The following AUTS2 variants were observed in gnomAD, a reference collection of about 807,000 sequenced individuals.
AUTS2 encodes the protein autism susceptibility gene 2 protein.
In AUTS2, 17 loss-of-function variants were observed where a neutral mutation model predicts 112.4. The ratio of observed to expected loss-of-function variants is 0.15; its 90% CI spans 0.10 to 0.23. The LOEUF is 0.23. AUTS2 is among the 10% of genes least tolerant of loss of function. The probability of loss-of-function intolerance (pLI) is 1.00; values close to 1 mark genes in which losing one functional copy is unlikely to be tolerated. For missense variants in AUTS2, 1,510 were observed against 1,701.6 expected (o/e 0.89, Z 1.98); for synonymous variants, 751 against 702.7 (o/e 1.07, Z -1.09).
intron 5 of AUTS2, among the ~76,000 whole-genome samples, chr7:70,444,580 T>G (rs1400774771): frequency 1.3e-5 from 2 of 152,182 alleles, no homozygotes; most frequent in Non-Finnish European, 1.5e-5. Flanking sequence ...CTGTTTTCTT[T>G]TTTAATTAAA....
chr7:70,619,251 G>T (rs143391265), intron 5 of AUTS2, among the ~76,000 whole-genome samples: 1 of 152,178 alleles, frequency 6.6e-6, no homozygotes, highest in African/African-American at 2.4e-5. Flanking sequence ...ATAGGGGCCC[G>T]GTGGGAGTTT....
chr7:69,873,804 C>T (rs1332541779), intron 1 of AUTS2, among the ~76,000 whole-genome samples: 1 of 152,176 alleles, frequency 6.6e-6, no homozygotes, highest in Non-Finnish European at 1.5e-5. Flanking sequence ...ATTACACCTA[C>T]TTTATGTATG....
At chr7:70,290,582 C>T (rs1788664958) in intron 4 of AUTS2, 4 of 1,452,282 alleles carry the variant, frequency 2.8e-6, no homozygotes, top group Non-Finnish European at 3.6e-6. Context: ...CTACTGTTAG[C>T]GTGACCCCAA....
chr7:70,321,786 G>A lies in AUTS2; in HGVS notation c.661-113966G>A, dbSNP rs184497363. Among the ~76,000 whole-genome samples, 1,169 of 152,270 alleles carry A rather than the reference G, an allele frequency of 7.7e-3. 15 individuals carry two copies. The highest frequency in any genetic ancestry group is 0.027 in the African/African-American group (1,112 of 41,548). The stretch of plus-strand genomic sequence containing the variant: ...TAAACATACAGTCATGTCACAAAAA[G>A]AGATTATGGTCAGGTGAATTTATTA... On this transcript the variant is annotated intron_variant, in intron 4 of 18. Coordinates refer to ENST00000342771, the MANE Select transcript of AUTS2 (RefSeq NM_015570.4).
intron 5 of AUTS2, among the ~76,000 whole-genome samples, chr7:70,605,224 T>C (rs1585364938): frequency 6.6e-6 from 1 of 152,232 alleles, no homozygotes; most frequent in South Asian, 2.1e-4. Flanking sequence ...TTGCCCTTGC[T>C]CTGTGCTCAA....
intron 2 of AUTS2, among the ~76,000 whole-genome samples, chr7:69,900,204 C>G: frequency 6.6e-6 from 1 of 152,190 alleles, no homozygotes; most frequent in Non-Finnish European, 1.5e-5. Context: ...AGATATGAAG[C>G]TGTTTATAGC....
chr7:69,752,250 C>T (rs914950020), intron 1 of AUTS2, among the ~76,000 whole-genome samples: 1 of 152,232 alleles, frequency 6.6e-6, no homozygotes, highest in African/African-American at 2.4e-5. Context: ...GGTGTTCTTT[C>T]TCCCAGTGGG....
intron 4 of AUTS2, among the ~76,000 whole-genome samples, chr7:70,354,956 C>T: frequency 6.8e-6 from 1 of 147,080 alleles, no homozygotes; most frequent in Non-Finnish European, 1.5e-5. Context: ...GAAAGGGCTG[C>T]TGTGTGTGTG....
rs1173094469 is a variant in AUTS2, at chr7:70,410,832, A to AATT, written c.661-24904_661-24902dup. Among the ~76,000 whole-genome samples the AATT allele has an allele frequency of 7.4e-4, 111 of 150,370 alleles. 1 individual carries two copies. The highest frequency in any genetic ancestry group is 2.2e-3 in the African/African-American group (91 of 41,018). On this transcript the variant is annotated intron_variant, in intron 4 of 18. Coordinates refer to ENST00000342771, the MANE Select transcript of AUTS2 (RefSeq NM_015570.4). The stretch of plus-strand genomic sequence containing the variant: ...TACATATGAAGGAACTAAGGAAATA[A>AATT]ATTATTATTATTATTATTGTTATTA...
intron 1 of AUTS2, among the ~76,000 whole-genome samples, chr7:69,624,538 A>G (rs938954347): frequency 6.6e-6 from 1 of 152,218 alleles, no homozygotes; most frequent in Non-Finnish European, 1.5e-5. Flanking sequence ...TGCTCATGGT[A>G]AAAGGACCTC....
At chr7:70,304,177 A>C (rs1348490537) in intron 4 of AUTS2, among the ~76,000 whole-genome samples, 1 of 152,174 alleles carries the variant, frequency 6.6e-6, no homozygotes, top group Non-Finnish European at 1.5e-5. Context: ...ACTCAGCATT[A>C]TCCCAGTTTG....
chr7:69,659,997 A>G (rs535192211), intron 1 of AUTS2, among the ~76,000 whole-genome samples: 2 of 152,302 alleles, frequency 1.3e-5, no homozygotes, highest in East Asian at 3.9e-4. Context: ...GAGGGACTTC[A>G]GAGGATAAAA....
chr7:70,652,540 C>T (rs180781870), intron 5 of AUTS2, among the ~76,000 whole-genome samples: 82 of 152,218 alleles, frequency 5.4e-4, no homozygotes, highest in African/African-American at 1.9e-3. Flanking sequence ...GAGACATCCC[C>T]AGTTGGAAAA....
chr7:70,318,194 G>A (rs780050495), intron 4 of AUTS2, among the ~76,000 whole-genome samples: 4 of 151,990 alleles, frequency 2.6e-5, no homozygotes, highest in Non-Finnish European at 5.9e-5. Flanking sequence ...GTAGGAGAAG[G>A]GTTGGCGAGG....
At chr7:69,729,497 A>G (rs1376165189) in intron 1 of AUTS2, among the ~76,000 whole-genome samples, 1 of 128,418 alleles carries the variant, frequency 7.8e-6, no homozygotes, top group Non-Finnish European at 1.6e-5. Flanking sequence ...GTGTGATTAT[A>G]TCGGAATACT....
intron 4 of AUTS2, among the ~76,000 whole-genome samples, chr7:70,307,892 A>G (rs541479439): frequency 6.6e-6 from 1 of 152,308 alleles, no homozygotes; most frequent in African/African-American, 2.4e-5. Context: ...CTTTGAGCAT[A>G]ACCACATCCG....
At chr7:70,307,109 A>G (rs748284827) in intron 4 of AUTS2, among the ~76,000 whole-genome samples, 1 of 152,226 alleles carries the variant, frequency 6.6e-6, no homozygotes, top group Non-Finnish European at 1.5e-5. Context: ...TACTTAGCTC[A>G]ACAGCTTATT....
At chr7:70,647,741 CCCTATT>C (rs1436995163) in intron 5 of AUTS2, among the ~76,000 whole-genome samples, 1 of 152,176 alleles carries the variant, frequency 6.6e-6, no homozygotes, top group African/African-American at 2.4e-5. Flanking sequence ...CTCTCAGCCT[CCCTATT>C]CCCTGAAGCT....
At chr7:69,677,488 T>G (rs1205365809) in intron 1 of AUTS2, among the ~76,000 whole-genome samples, 1 of 152,152 alleles carries the variant, frequency 6.6e-6, no homozygotes, top group Non-Finnish European at 1.5e-5. Context: ...TTCTATAGGA[T>G]GAGAAAGTTG....
Sources: allele counts gnomAD v4.1 joint callset (sites outside exome capture counted in the v4.1 genomes callset), GRCh38; gene constraint gnomAD v4.1.1; transcripts MANE v1.5; gene names NCBI Gene and HGNC (gene_info 2026-07-23, HGNC 2026-07-21).